The following FRMD5 variants were observed in gnomAD, a reference collection of about 807,000 sequenced individuals.
FRMD5 encodes FERM domain containing 5.
Under a neutral mutation model 69.0 loss-of-function variants are expected in FRMD5, and 20 were observed. That is an observed-to-expected ratio of 0.29 (90% CI 0.20 to 0.42). FRMD5 has a LOEUF of 0.42. FRMD5 is among the 10% of genes least tolerant of loss of function. FRMD5 has a pLI of 1.00. For missense variants in FRMD5, 595 were observed against 708.6 expected (o/e 0.84, Z 1.82); for synonymous variants, 271 against 260.1 (o/e 1.04, Z -0.40).
chr15:44,036,829 C>A (rs1444248143), intron 1 of FRMD5, among the ~76,000 whole-genome samples: 1 of 152,160 alleles, frequency 6.6e-6, no homozygotes, highest in Non-Finnish European at 1.5e-5. Flanking sequence ...GCATCCTGAT[C>A]ATATTCCTGA....
chr15:44,160,275 G>C (rs7164627), intron 1 of FRMD5, among the ~76,000 whole-genome samples: 3,125 of 152,314 alleles, frequency 0.021, 102 homozygotes, highest in African/African-American at 0.064. Flanking sequence ...AGAATCACTT[G>C]AACCCGGGAA....
At chr15:43,921,904 G>A (rs1485322096) in intron 2 of FRMD5, among the ~76,000 whole-genome samples, 1 of 152,206 alleles carries the variant, frequency 6.6e-6, no homozygotes, top group Non-Finnish European at 1.5e-5. Flanking sequence ...TGCAGAGCAA[G>A]GACTGACATC....
chr15:43,953,682 A>G (rs2090071975), intron 1 of FRMD5, among the ~76,000 whole-genome samples: 1 of 152,200 alleles, frequency 6.6e-6, no homozygotes, highest in African/African-American at 2.4e-5. Flanking sequence ...CACCTTAGCT[A>G]TAATTTACAC....
At chr15:43,879,662 C>T (rs1022613207) in intron 13 of FRMD5, 4 of 399,034 alleles carry the variant, frequency 1.0e-5, no homozygotes, top group African/African-American at 8.2e-5. Context: ...TAATCAGACT[C>T]TTCCCCATGG....
At chr15:43,917,159 A>G (rs1159295298) in intron 4 of FRMD5, among the ~76,000 whole-genome samples, 5 of 152,172 alleles carry the variant, frequency 3.3e-5, no homozygotes. Context: ...TTGGAAAGCC[A>G]TGTGTCTGTG....
At chr15:43,928,779 C>T (rs1436758567) in intron 1 of FRMD5, among the ~76,000 whole-genome samples, 2 of 152,166 alleles carry the variant, frequency 1.3e-5, no homozygotes, top group African/African-American at 4.8e-5. Context: ...GAATGTTGTG[C>T]CATTGATTAT....
intron 1 of FRMD5, among the ~76,000 whole-genome samples, chr15:43,974,475 C>T (rs542317950): frequency 6.6e-6 from 1 of 152,260 alleles, no homozygotes; most frequent in East Asian, 1.9e-4. Flanking sequence ...CTTTTTATGC[C>T]TTAGGATGGT....
chr15:44,172,752 GTTAAT>G (rs1184965890), intron 1 of FRMD5, among the ~76,000 whole-genome samples: 1 of 152,040 alleles, frequency 6.6e-6, no homozygotes, highest in Non-Finnish European at 1.5e-5. Flanking sequence ...TTATTTTTTA[GTTAAT>G]TTAAATAAAA....
intron 1 of FRMD5, among the ~76,000 whole-genome samples, chr15:43,992,754 A>G (rs1889746475): frequency 6.6e-6 from 1 of 152,174 alleles, no homozygotes; most frequent in Non-Finnish European, 1.5e-5. Flanking sequence ...TCCTCTGCCC[A>G]GGCTGGAGTA....
intron 6 of FRMD5, 68 bp downstream of exon 6, chr15:43,905,760 G>A: frequency 6.3e-7 from 1 of 1,592,330 alleles, no homozygotes; most frequent in Non-Finnish European, 8.6e-7. Flanking sequence ...AGAGGACACG[G>A]CGTGGAGCCT....
intron 10 of FRMD5, 134 bp from the exon 11 acceptor site, chr15:43,885,889 C>G (rs986264919): frequency 4.3e-6 from 3 of 704,178 alleles, no homozygotes; most frequent in African/African-American, 3.5e-5. Context: ...ACATTTGTCT[C>G]TGACTCTCAT....
intron 1 of FRMD5, among the ~76,000 whole-genome samples, chr15:43,953,216 C>T (rs1488854610): frequency 6.6e-6 from 1 of 152,230 alleles, no homozygotes; most frequent in African/African-American, 2.4e-5. Flanking sequence ...GTCTTGGTAT[C>T]TGCTAAAGAG....
intron 1 of FRMD5, chr15:43,989,056 T>A (rs1334163582): frequency 4.6e-6 from 4 of 863,792 alleles, no homozygotes; most frequent in Non-Finnish European, 7.9e-6. Flanking sequence ...TAAGTCACAG[T>A]CCGCCTAGAA....
chr15:43,873,361 A>G lies in FRMD5; in HGVS notation c.*524T>C. 5 of 1,465,762 alleles carry G rather than the reference A, an allele frequency of 3.4e-6. No individual in the cohort carries two copies. Among genetic ancestry groups the G allele is most frequent in the Non-Finnish European group, 4.5e-6 (5 of 1,116,264 alleles). 90.8% of individuals were successfully genotyped at this position (1,465,762 alleles called of 1,614,324 possible). On this transcript the variant is annotated 3_prime_UTR_variant, in exon 14 of 14. Transcript: ENST00000417257. ...TGGCAAAAAAAACAAACAAAAAACT[A>G]AACAGTCCCCATTGTCCAGATCCCT...
intron 13 of FRMD5, among the ~76,000 whole-genome samples, chr15:43,877,250 A>T (rs1228091355): frequency 6.6e-6 from 1 of 152,192 alleles, no homozygotes; most frequent in Admixed American, 6.5e-5. Flanking sequence ...ACTGAACCAG[A>T]TTCCCAGCTC....
chr15:43,953,369 G>C (rs1056302289), intron 1 of FRMD5, among the ~76,000 whole-genome samples: 1 of 152,200 alleles, frequency 6.6e-6, no homozygotes, highest in African/African-American at 2.4e-5. Context: ...CCTCAAGCAT[G>C]GCTCAATCCT....
At chr15:44,166,965 T>C (rs2077720799) in intron 1 of FRMD5, among the ~76,000 whole-genome samples, 2 of 152,126 alleles carry the variant, frequency 1.3e-5, no homozygotes, top group African/African-American at 4.8e-5. Flanking sequence ...AATCATTGAA[T>C]CATTCCAACT....
intron 1 of FRMD5, among the ~76,000 whole-genome samples, chr15:44,159,439 T>C (rs2077578711): frequency 6.6e-6 from 1 of 152,156 alleles, no homozygotes; most frequent in Non-Finnish European, 1.5e-5. Context: ...AGGAGGCTAC[T>C]GATATCTCCA....
rs10152658 is a variant in FRMD5, at chr15:44,043,845, C to A, written c.103-119536G>T. 2.4e-4 allele frequency among the ~76,000 whole-genome samples: 36 copies of A among 152,106 alleles called. 2 individuals are homozygous for A. In the East Asian group the frequency reaches 6.8e-3, roughly 29 times the overall value. On this transcript the variant is annotated intron_variant, in intron 1 of 13. Coordinates refer to ENST00000417257, the MANE Select transcript of FRMD5 (RefSeq NM_032892.5). ...CCCTAGAAGAAAACCTAGGCAATAC[C>A]ATTCAGGACATAGGAGTGGGCAAAG... is the stretch of plus-strand genomic sequence containing the variant.
Sources: gnomAD v4.1 joint callset for allele counts (sites outside exome capture counted in the v4.1 genomes callset) on GRCh38, gnomAD v4.1.1 for gene constraint, MANE v1.5 for transcripts, NCBI Gene and HGNC (gene_info 2026-07-23, HGNC 2026-07-21) for gene names.